LAMA2: variants seen among roughly 807,000 people sequenced by gnomAD.
The protein encoded by LAMA2 is laminin subunit alpha 2.
Under a neutral mutation model 364.8 loss-of-function variants are expected in LAMA2, and 269 were observed. The ratio of observed to expected loss-of-function variants is 0.74; its 90% CI spans 0.67 to 0.82. LAMA2 has a LOEUF of 0.82. LAMA2 is among the 40% of genes least tolerant of loss of function. LAMA2 has a pLI of 0.00. For missense variants in LAMA2, 3,807 were observed against 3,873.2 expected (o/e 0.98, Z 0.45); for synonymous variants, 1,379 against 1,370.6 (o/e 1.01, Z -0.14).
chr6:129,284,713 T>G (rs559938252), intron 18 of LAMA2, among the ~76,000 whole-genome samples: 28 of 152,194 alleles, frequency 1.8e-4, no homozygotes, highest in South Asian at 1.2e-3. Flanking sequence ...TTCTTCTCAT[T>G]GTTGCTTGTC....
At chr6:129,037,803 G>A (rs987200307) in intron 1 of LAMA2, among the ~76,000 whole-genome samples, 1 of 151,910 alleles carries the variant, frequency 6.6e-6, no homozygotes, top group African/African-American at 2.4e-5. Context: ...CCGAGTAGCT[G>A]CAACTACAGG....
At chr6:129,051,686 ATCTATAGATC>A (rs1788042589) in intron 2 of LAMA2, among the ~76,000 whole-genome samples, 2 of 132,066 alleles carry the variant, frequency 1.5e-5, no homozygotes, top group Admixed American at 7.9e-5. Flanking sequence ...AGATATCTAT[ATCTATAGATC>A]GATCTATAGA....
At chr6:129,026,333 AAAAT>A (rs1562164409) in intron 1 of LAMA2, among the ~76,000 whole-genome samples, 1 of 152,204 alleles carries the variant, frequency 6.6e-6, no homozygotes, top group Non-Finnish European at 1.5e-5. Flanking sequence ...CATTTTAATT[AAAAT>A]AAATATATTG....
At chr6:128,910,672 G>C (rs1211597139) in intron 1 of LAMA2, among the ~76,000 whole-genome samples, 2 of 152,216 alleles carry the variant, frequency 1.3e-5, no homozygotes, top group East Asian at 1.9e-4. Flanking sequence ...TCGTTCTGTT[G>C]TTGGTGAGGA....
At chr6:128,994,016 G>A (rs1028699881) in intron 1 of LAMA2, among the ~76,000 whole-genome samples, 2 of 152,154 alleles carry the variant, frequency 1.3e-5, no homozygotes, top group Non-Finnish European at 2.9e-5. Context: ...TAAATGTTGT[G>A]TCAATGCCAT....
In LAMA2 at chr6:128,933,496, A is replaced by G. The variant is rs989630009; in HGVS notation, c.112+50139A>G. 2.6e-5 allele frequency among the ~76,000 whole-genome samples: 4 copies of G among 152,158 alleles called. No homozygotes were observed. In the East Asian group the frequency reaches 5.8e-4, roughly 22 times the overall value. On this transcript the variant is annotated intron_variant, in intron 1 of 64. Coordinates refer to ENST00000421865, the MANE Select transcript of LAMA2 (RefSeq NM_000426.4). ...ATTTTTGGAAGAATCTCTATGCTTAATGCTGTTTTCCATAGTGGCTATGCC... is the reference window on the plus strand; with the variant it reads ...ATTTTTGGAAGAATCTCTATGCTTAGTGCTGTTTTCCATAGTGGCTATGCC...
At position 129,397,938 on chromosome 6, in the gene LAMA2, GAAAAAAAA is replaced by G. The variant is rs58131786; in HGVS notation, c.5446-3268_5446-3261del. On this transcript the variant is annotated intron_variant, in intron 37 of 64. Coordinates refer to ENST00000421865, the MANE Select transcript of LAMA2 (RefSeq NM_000426.4). ...GGCGACAGAGTGAGACTCCGTCTCA[GAAAAAAAA>G]AAAAAAAAAAAAAAAAATTATTTAA... Among the ~76,000 whole-genome samples the G allele has an allele frequency of 9.8e-4, 101 of 103,492 alleles. 1 individual carries two copies. Among genetic ancestry groups the G allele is most frequent in the South Asian group, 5.6e-3 (17 of 3,038 alleles). The allele number at this position is 103,492 out of a possible 152,430, so 67.9% of individuals were successfully genotyped here. A position where few individuals can be genotyped will look rare whatever the true frequency, so the allele number is the denominator to read the frequency against.
intron 12 of LAMA2, among the ~76,000 whole-genome samples, chr6:129,209,396 A>C (rs760139495): frequency 7.9e-5 from 12 of 152,202 alleles, no homozygotes; most frequent in Non-Finnish European, 1.6e-4. Flanking sequence ...GCTTAACACA[A>C]GAAATAATTT....
rs183786875 is a variant in LAMA2 at position 129,159,889 on chromosome 6, G to T, written c.1206+5206G>T. On this transcript the variant is annotated intron_variant, in intron 8 of 64. Coordinates refer to ENST00000421865, the MANE Select transcript of LAMA2 (RefSeq NM_000426.4). ...GGATTTTCTCCTTTATTCTGTTAAC[G>T]GGGACAATTTATGCAAATTGAATTT... 7.1e-4 allele frequency among the ~76,000 whole-genome samples: 108 copies of T among 152,178 alleles called. No homozygotes were observed. In the East Asian group the frequency reaches 0.017, roughly 24 times the overall value.
At chr6:129,032,002 TAGA>T (rs1318010592) in intron 1 of LAMA2, among the ~76,000 whole-genome samples, 1 of 152,136 alleles carries the variant, frequency 6.6e-6, no homozygotes, top group Non-Finnish European at 1.5e-5. Context: ...GTATTTTTAG[TAGA>T]GACAGGGTTT....
chr6:128,887,254 T>G (rs1022099949), intron 1 of LAMA2, among the ~76,000 whole-genome samples: 18 of 152,136 alleles, frequency 1.2e-4, no homozygotes, highest in African/African-American at 4.3e-4. Context: ...GGATTCATAG[T>G]GGCCATAAAC....
At chr6:129,397,712 G>A (rs1779730734) in intron 37 of LAMA2, among the ~76,000 whole-genome samples, 1 of 151,422 alleles carries the variant, frequency 6.6e-6, no homozygotes, top group Admixed American at 6.6e-5. Flanking sequence ...TCAGGAGATC[G>A]AGACCATCCT....
chr6:129,339,918 G>A (rs370383034), intron 29 of LAMA2, among the ~76,000 whole-genome samples: 3 of 151,650 alleles, frequency 2.0e-5, no homozygotes, highest in Middle Eastern at 3.2e-3. Flanking sequence ...CAGGAGAATC[G>A]CTTGAACCTG....
At chr6:128,990,105 CAG>C (rs1227981303) in intron 1 of LAMA2, among the ~76,000 whole-genome samples, 1 of 152,156 alleles carries the variant, frequency 6.6e-6, no homozygotes, top group Non-Finnish European at 1.5e-5. Flanking sequence ...TAAAACCAAA[CAG>C]AAAACTGTAG....
chr6:129,416,171 G>C (rs953781148), intron 40 of LAMA2, among the ~76,000 whole-genome samples: 2 of 40,976 alleles, frequency 4.9e-5, no homozygotes, highest in Non-Finnish European at 9.1e-5. Flanking sequence ...GGATGGTCTC[G>C]ATCTCCTGAC....
chr6:129,300,141 T>G (rs1562433263), intron 21 of LAMA2, among the ~76,000 whole-genome samples: 1 of 152,156 alleles, frequency 6.6e-6, no homozygotes, highest in Non-Finnish European at 1.5e-5. Flanking sequence ...GAAAAATCTA[T>G]AGAAAAAAGT....
intron 49 of LAMA2, among the ~76,000 whole-genome samples, chr6:129,464,085 C>T (rs191978532): frequency 2.0e-5 from 3 of 152,004 alleles, no homozygotes; most frequent in African/African-American, 4.8e-5. Flanking sequence ...TTAGTTATTG[C>T]ACACCTCATG....
intron 1 of LAMA2, among the ~76,000 whole-genome samples, chr6:128,926,438 A>T (rs1285723618): frequency 6.6e-6 from 1 of 152,162 alleles, no homozygotes; most frequent in Non-Finnish European, 1.5e-5. Flanking sequence ...CTTTAATAAC[A>T]ATCTGATTTG....
intron 4 of LAMA2, among the ~76,000 whole-genome samples, chr6:129,104,753 G>A (rs1348032938): frequency 6.6e-6 from 1 of 152,018 alleles, no homozygotes; most frequent in African/African-American, 2.4e-5. Context: ...TCCCTTCATG[G>A]TTTGGTTTGG....
Sources: gnomAD v4.1 joint callset for allele counts (sites outside exome capture counted in the v4.1 genomes callset) on GRCh38, gnomAD v4.1.1 for gene constraint, MANE v1.5 for transcripts, NCBI Gene and HGNC (gene_info 2026-07-23, HGNC 2026-07-21) for gene names.